Variants in PDE1C observed in about 807,000 individuals in gnomAD.
PDE1C encodes dual specificity calcium/calmodulin-dependent 3',5'-cyclic nucleotide phosphodiesterase 1C.
Under a neutral mutation model 93.1 loss-of-function variants are expected in PDE1C, and 62 were observed. The observed-to-expected ratio is 0.67, with a 90% CI of 0.54 to 0.82. The LOEUF is 0.82. Among genes scored for constraint, PDE1C ranks in the 40% least tolerant of loss-of-function variants. The pLI is 0.00. For missense variants in PDE1C, 742 were observed against 884.6 expected, an observed-to-expected ratio of 0.84 and a Z score of 2.04; for synonymous variants, 325 against 310.1, an observed-to-expected ratio of 1.05 and a Z score of -0.50.
chr7:31,867,939 G>A (rs896625604), intron 6 of PDE1C, among the ~76,000 whole-genome samples: 6 of 152,146 alleles, frequency 3.9e-5, no homozygotes, highest in East Asian at 3.8e-4. Context: ...CTGCTGACAC[G>A]GTTTACAGCC....
At chr7:32,135,009 G>C (rs1301692488) in intron 3 of PDE1C, among the ~76,000 whole-genome samples, 1 of 152,154 alleles carries the variant, frequency 6.6e-6, no homozygotes. Context: ...AATAAGATTT[G>C]ACAGCATGGG....
At position 32,040,727 on chromosome 7, in the gene PDE1C, C is replaced by T. The variant is rs1038621088; in HGVS notation, c.128+10827G>A. ...TGAAGACAAACTGTAAATGCCTTCCCGTAGAAAGATATTCTATGGCCACAA... is the reference window on the plus strand; with the variant it reads ...TGAAGACAAACTGTAAATGCCTTCCTGTAGAAAGATATTCTATGGCCACAA... On this transcript the variant is annotated intron_variant, in intron 2 of 17. Transcript: ENST00000396191. Among the ~76,000 whole-genome samples the T allele has an allele frequency of 6.6e-5, 10 of 152,068 alleles. No individual in the cohort carries two copies. The East Asian group carries it at 1.5e-3, about 23-fold the overall frequency.
chr7:32,102,656 T>C (rs1278073397), intron 3 of PDE1C, among the ~76,000 whole-genome samples: 1 of 152,222 alleles, frequency 6.6e-6, no homozygotes, highest in Non-Finnish European at 1.5e-5. Context: ...TGACAACTGC[T>C]TCTACAGCAT....
chr7:31,816,205 T>C lies in PDE1C; in HGVS notation c.1583-51A>G, dbSNP rs746899346. ...CCACAGAAAAGAGAAAAAGAGGTCATGCCGTTAGGAGAATGGCCTGTTTTA... is the reference window on the plus strand; with the variant it reads ...CCACAGAAAAGAGAAAAAGAGGTCACGCCGTTAGGAGAATGGCCTGTTTTA... On this transcript the variant is annotated intron_variant, in intron 14 of 17. Coordinates refer to ENST00000396191, the MANE Select transcript of PDE1C (RefSeq NM_001191057.4). The C allele has an allele frequency of 3.9e-6, 6 of 1,545,152 alleles. No homozygotes were observed. The Admixed American group carries it at 8.8e-5, about 23-fold the overall frequency.
chr7:31,722,539 A>G, the PDE1C span, among the ~76,000 whole-genome samples: 1 of 152,200 alleles, frequency 6.6e-6, no homozygotes, highest in Non-Finnish European at 1.5e-5. Context: ...CACTGGGGCT[A>G]TGAGAGCTTA....
At chr7:31,795,273 T>C (rs1785147003) in intron 16 of PDE1C, among the ~76,000 whole-genome samples, 1 of 152,002 alleles carries the variant, frequency 6.6e-6, no homozygotes, top group East Asian at 1.9e-4. Flanking sequence ...AATATAATGT[T>C]AATAGAGTTT....
intron 1 of PDE1C, among the ~76,000 whole-genome samples, chr7:32,056,320 T>TTCTC (rs10648394): frequency 0.049 from 5,450 of 110,900 alleles, 182 homozygotes; most frequent in African/African-American, 0.077. Context: ...GGGTCCACCG[T>TTCTC]TCTCTCTCTC....
intron 1 of PDE1C, among the ~76,000 whole-genome samples, chr7:32,406,770 G>A (rs936849980): frequency 6.6e-6 from 1 of 152,138 alleles, no homozygotes; most frequent in Non-Finnish European, 1.5e-5. Context: ...GATGGAAAAT[G>A]GAAATGAAGA....
chr7:31,855,792 GA>G (rs763753026), intron 7 of PDE1C, among the ~76,000 whole-genome samples: 2,535 of 116,772 alleles, frequency 0.022, 39 homozygotes, highest in Admixed American at 0.051. Context: ...CTCCTTTCTG[GA>G]AAAAAAAAAA....
At chr7:32,235,997 G>C (rs1808047867) in intron 1 of PDE1C, among the ~76,000 whole-genome samples, 1 of 151,924 alleles carries the variant, frequency 6.6e-6, no homozygotes, top group African/African-American at 2.4e-5. Flanking sequence ...ACACAAATAT[G>C]GCCAATTGAT....
In PDE1C at chr7:31,835,553, T is replaced by TGC. The variant is rs374429198; in HGVS notation, c.1203+1626_1203+1627insGC. On this transcript the variant is annotated intron_variant, in intron 11 of 17. Coordinates refer to ENST00000396191, the MANE Select transcript of PDE1C (RefSeq NM_001191057.4). The stretch of plus-strand genomic sequence containing the variant: ...GTGTGTGTGTGTGTGTGTGTGTGTG[T>TGC]GTGCGTGCATGTGCACCATAGACAG... Among the ~76,000 whole-genome samples the TGC allele has an allele frequency of 1.8e-3, 271 of 150,910 alleles. 2 individuals carry two copies. The highest frequency in any genetic ancestry group is 5.8e-3 in the African/African-American group (236 of 40,934).
intron 1 of PDE1C, among the ~76,000 whole-genome samples, chr7:32,210,255 A>G (rs1471327069): frequency 6.6e-6 from 1 of 152,208 alleles, no homozygotes; most frequent in African/African-American, 2.4e-5. Flanking sequence ...CACAGGTTTC[A>G]CTCATTTTAA....
intron 2 of PDE1C, among the ~76,000 whole-genome samples, chr7:31,902,324 G>T (rs1800084747): frequency 6.6e-6 from 1 of 151,770 alleles, no homozygotes. Context: ...AATAAGCCTA[G>T]AAGAATTCAT....
chr7:32,417,390 C>T (rs1268911521), intron 1 of PDE1C, among the ~76,000 whole-genome samples: 1 of 151,932 alleles, frequency 6.6e-6, no homozygotes, highest in East Asian at 1.9e-4. Context: ...AATAAAAACA[C>T]CTGTTGAGCA....
intron 1 of PDE1C, among the ~76,000 whole-genome samples, chr7:32,229,825 T>C (rs1370001774): frequency 1.3e-5 from 2 of 152,196 alleles, no homozygotes; most frequent in Admixed American, 1.3e-4. Context: ...ATTATAACCA[T>C]AAATGGAATC....
chr7:31,808,173 C>A (rs879294173), intron 16 of PDE1C: 4 of 481,466 alleles, frequency 8.3e-6, no homozygotes, highest in Non-Finnish European at 1.6e-5. Flanking sequence ...AGCATTTGTT[C>A]TTCAAAGGTA....
intron 1 of PDE1C, among the ~76,000 whole-genome samples, chr7:32,231,335 G>A (rs952233196): frequency 6.6e-5 from 10 of 151,712 alleles, no homozygotes; most frequent in East Asian, 1.9e-4. Flanking sequence ...ACACGCGCAC[G>A]TGCACACACA....
chr7:32,092,774 A>T (rs1463090580), intron 3 of PDE1C, among the ~76,000 whole-genome samples: 1 of 152,224 alleles, frequency 6.6e-6, no homozygotes, highest in Non-Finnish European at 1.5e-5. Context: ...TAAGGAAAAA[A>T]ATGTATTGCA....
At chr7:31,639,583 C>T in the PDE1C span, among the ~76,000 whole-genome samples, 1 of 144,172 alleles carries the variant, frequency 6.9e-6, no homozygotes, top group African/African-American at 2.6e-5. Context: ...GTCTCCCAGG[C>T]TGGAGTGCAG....
Sources: allele counts gnomAD v4.1 joint callset (sites outside exome capture counted in the v4.1 genomes callset), GRCh38; gene constraint gnomAD v4.1.1; transcripts MANE v1.5; gene names NCBI Gene and HGNC (gene_info 2026-07-23, HGNC 2026-07-21).